TAFA2: variants seen among roughly 807,000 people sequenced by gnomAD.
The protein encoded by TAFA2 is chemokine-like protein TAFA-2.
TAFA2 carries 7 observed loss-of-function variants against 18.8 expected under a neutral mutation model. The observed-to-expected ratio is 0.37, with a 90% CI of 0.21 to 0.70. The LOEUF (loss-of-function observed/expected upper bound fraction) is 0.70, where lower values mean the gene tolerates loss of function less well. Ranked by LOEUF, TAFA2 falls within the 30% of genes least tolerant of loss-of-function variation. The pLI, the probability that TAFA2 is intolerant of heterozygous loss-of-function variation, is 0.53. For synonymous variants in TAFA2, 60 were observed against 54.2 expected (o/e 1.11, Z -0.47); for missense variants, 122 against 158.1 (o/e 0.77, Z 1.23).
intron 1 of TAFA2, among the ~76,000 whole-genome samples, chr12:62,092,247 T>C (rs2136835743): frequency 6.6e-6 from 1 of 151,974 alleles, no homozygotes; most frequent in East Asian, 1.9e-4. Context: ...AAAACATAAA[T>C]ATGCTGTAAT....
chr12:62,204,680 G>C (rs1419067714), intron 1 of TAFA2, among the ~76,000 whole-genome samples: 1 of 151,916 alleles, frequency 6.6e-6, no homozygotes, highest in Admixed American at 6.6e-5. Context: ...AGCTCCATCA[G>C]GTCATTTATG....
intron 1 of TAFA2, among the ~76,000 whole-genome samples, chr12:61,882,213 T>C (rs1875177464): frequency 6.6e-6 from 1 of 152,186 alleles, no homozygotes; most frequent in African/African-American, 2.4e-5. Context: ...GTTTCTACTC[T>C]ACACTTTAGC....
At chr12:62,004,656 A>G (rs1481683541) in intron 1 of TAFA2, among the ~76,000 whole-genome samples, 1 of 152,134 alleles carries the variant, frequency 6.6e-6, no homozygotes, top group African/African-American at 2.4e-5. Context: ...GAACTACTAT[A>G]TGACCCAGAA....
intron 1 of TAFA2, among the ~76,000 whole-genome samples, chr12:61,894,350 G>T (rs1875753010): frequency 1.3e-5 from 2 of 152,192 alleles, no homozygotes; most frequent in Non-Finnish European, 2.9e-5. Context: ...ACAAAGGTCA[G>T]TTGCTGTGGG....
At position 61,956,858 on chromosome 12, in the gene TAFA2, T is replaced by C. The variant is rs562828884; in HGVS notation, c.-1-89432A>G. On this transcript the variant is annotated intron_variant, in intron 1 of 4. Coordinates refer to ENST00000416284, the MANE Select transcript of TAFA2 (RefSeq NM_178539.5). ...CTGATGAACACTAAGAAAAGTCACATCACTGCATCTACAGTGTATTTGCCT... is the reference window on the plus strand; with the variant it reads ...CTGATGAACACTAAGAAAAGTCACACCACTGCATCTACAGTGTATTTGCCT... Among the ~76,000 whole-genome samples, 10 of 152,278 alleles carry C rather than the reference T, an allele frequency of 6.6e-5. No individual in the cohort carries two copies. In the East Asian group the frequency reaches 1.5e-3, roughly 24 times the overall value.
chr12:61,882,569 C>G (rs1010685730), intron 1 of TAFA2, among the ~76,000 whole-genome samples: 3 of 152,090 alleles, frequency 2.0e-5, no homozygotes, highest in Non-Finnish European at 4.4e-5. Flanking sequence ...AAAGACAATT[C>G]AGAACTGGCT....
chr12:61,812,198 A>T (rs2121011907), intron 2 of TAFA2, among the ~76,000 whole-genome samples: 1 of 151,562 alleles, frequency 6.6e-6, no homozygotes, highest in South Asian at 2.1e-4. Flanking sequence ...TTACTCTTAC[A>T]AGAATAACTT....
rs1869279111 is a variant in TAFA2 at position 61,709,190 on chromosome 12, T to G, written c.*1216A>C. On this transcript the variant is annotated 3_prime_UTR_variant, in exon 5 of 5. Coordinates refer to ENST00000416284, the MANE Select transcript of TAFA2 (RefSeq NM_178539.5). Reference sequence around the variant, plus strand: ...TTAGAAAAAAAAAGTACATACATGTTTAAGGCCTTTAAATATTTATGACTT... The same window carrying G: ...TTAGAAAAAAAAAGTACATACATGTGTAAGGCCTTTAAATATTTATGACTT... The G allele has an allele frequency of 6.6e-6, 1 of 152,544 alleles. No homozygotes were observed. The highest frequency in any genetic ancestry group is 1.5e-5 in the Non-Finnish European group (1 of 68,008). The allele number at this position is 152,544 out of a possible 1,614,324, so 9.4% of individuals were successfully genotyped here.
upstream of TAFA2, chr12:62,259,170 G>A (rs2062965979): frequency 6.6e-6 from 1 of 152,238 alleles, no homozygotes; most frequent in African/African-American, 2.4e-5. Flanking sequence ...GAGAAATGAT[G>A]TGGGGATTCC....
intron 1 of TAFA2, among the ~76,000 whole-genome samples, chr12:62,230,324 A>T (rs11174382): frequency 6.6e-6 from 1 of 151,700 alleles, no homozygotes; most frequent in Non-Finnish European, 1.5e-5. Flanking sequence ...AAATCGTTCT[A>T]TGTTTTTGAT....
At chr12:61,928,385 C>G (rs561594997) in intron 1 of TAFA2, among the ~76,000 whole-genome samples, 1 of 152,106 alleles carries the variant, frequency 6.6e-6, no homozygotes, top group Non-Finnish European at 1.5e-5. Context: ...CAAAAGAAGA[C>G]GTTTATGTGG....
chr12:61,845,953 G>A (rs1873386377), intron 2 of TAFA2, among the ~76,000 whole-genome samples: 1 of 152,052 alleles, frequency 6.6e-6, no homozygotes, highest in Non-Finnish European at 1.5e-5. Flanking sequence ...AACACTACAA[G>A]GGAATAGTTG....
intron 1 of TAFA2, among the ~76,000 whole-genome samples, chr12:61,918,586 T>C (rs949790294): frequency 4.6e-5 from 7 of 152,172 alleles, no homozygotes; most frequent in South Asian, 4.1e-4. Flanking sequence ...TTCCAAATTG[T>C]GGCTATTGTG....
chr12:62,086,711 A>G (rs1170592523), intron 1 of TAFA2, among the ~76,000 whole-genome samples: 1 of 152,106 alleles, frequency 6.6e-6, no homozygotes, highest in Non-Finnish European at 1.5e-5. Flanking sequence ...GAGGGAAGGC[A>G]AAATGGTATT....
At chr12:62,046,382 C>T (rs765369596) in intron 1 of TAFA2, among the ~76,000 whole-genome samples, 1 of 151,646 alleles carries the variant, frequency 6.6e-6, no homozygotes, top group African/African-American at 2.4e-5. Flanking sequence ...CTATCTCAAC[C>T]GACTATACAA....
At chr12:61,810,646 A>G (rs910031750) in intron 2 of TAFA2, among the ~76,000 whole-genome samples, 2 of 151,102 alleles carry the variant, frequency 1.3e-5, no homozygotes, top group African/African-American at 4.9e-5. Context: ...AGCTGCCCAG[A>G]TAGAGACTAC....
At chr12:62,044,682 C>G (rs1881863113) in intron 1 of TAFA2, among the ~76,000 whole-genome samples, 1 of 152,112 alleles carries the variant, frequency 6.6e-6, no homozygotes, top group Admixed American at 6.5e-5. Context: ...AGTCACGTGC[C>G]AAACAACATG....
chr12:62,091,578 A>G (rs1302083806), intron 1 of TAFA2, among the ~76,000 whole-genome samples: 1 of 151,966 alleles, frequency 6.6e-6, no homozygotes, highest in African/African-American at 2.4e-5. Flanking sequence ...GGTAGCAGCT[A>G]GAACATCACA....
intron 1 of TAFA2, among the ~76,000 whole-genome samples, chr12:61,912,567 G>A (rs1876653438): frequency 6.6e-6 from 1 of 152,068 alleles, no homozygotes. Context: ...CAAAGTTTTA[G>A]TAGTAGAAAA....
Sources: allele counts gnomAD v4.1 joint callset (sites outside exome capture counted in the v4.1 genomes callset), GRCh38; gene constraint gnomAD v4.1.1; transcripts MANE v1.5; gene names NCBI Gene and HGNC (gene_info 2026-07-23, HGNC 2026-07-21).